The following PTPRK variants were observed in gnomAD, a reference collection of about 807,000 sequenced individuals.
The protein encoded by PTPRK is receptor-type tyrosine-protein phosphatase kappa.
A neutral mutation model predicts 178.0 loss-of-function variants in PTPRK; 75 were observed. The ratio of observed to expected loss-of-function variants is 0.42; its 90% confidence interval spans 0.35 to 0.51. The LOEUF (loss-of-function observed/expected upper bound fraction) is 0.51, where lower values mean the gene tolerates loss of function less well. PTPRK is among the 20% of genes least tolerant of loss of function. The pLI is 0.02. For missense variants in PTPRK, 1,441 were observed against 1,797.8 expected (o/e 0.80, Z 3.59); for synonymous variants, 637 against 620.6 (o/e 1.03, Z -0.39).
intron 3 of PTPRK, among the ~76,000 whole-genome samples, chr6:128,265,592 C>T (rs1818824411): frequency 6.6e-6 from 1 of 152,098 alleles, no homozygotes. Context: ...CCCAGATAGT[C>T]TGGTGCCACA....
intron 1 of PTPRK, among the ~76,000 whole-genome samples, chr6:128,483,285 T>A (rs1302227144): frequency 6.6e-6 from 1 of 152,174 alleles, no homozygotes; most frequent in Non-Finnish European, 1.5e-5. Flanking sequence ...TTAAAATAAT[T>A]TAATTCAATA....
At chr6:128,054,801 T>C (rs907700958) in intron 13 of PTPRK, among the ~76,000 whole-genome samples, 6 of 152,218 alleles carry the variant, frequency 3.9e-5, no homozygotes, top group African/African-American at 7.2e-5. Context: ...GCCTTGACCA[T>C]GGAGAACACT....
intron 3 of PTPRK, among the ~76,000 whole-genome samples, chr6:128,249,213 A>G (rs544336272): frequency 1.3e-5 from 2 of 151,994 alleles, no homozygotes; most frequent in Non-Finnish European, 2.9e-5. Flanking sequence ...AAAATATAGT[A>G]GTAGAATTTC....
chr6:128,253,240 A>G lies in PTPRK; in HGVS notation c.496-10638T>C, dbSNP rs1049765538. Among the ~76,000 whole-genome samples the G allele has an allele frequency of 5.3e-5, 8 of 152,376 alleles. No homozygotes were observed. In the East Asian group the frequency reaches 1.3e-3, roughly 26 times the overall value. ...AAAGAGAGGAAAAACCAAAAAGGCA[A>G]TTAAAAGAGGAAAATAAAAGTTTAC... On this transcript the variant is annotated intron_variant, in intron 3 of 29. Coordinates refer to ENST00000368226, the MANE Select transcript of PTPRK (RefSeq NM_002844.4).
intron 3 of PTPRK, among the ~76,000 whole-genome samples, chr6:128,269,356 G>T (rs1819433349): frequency 6.6e-6 from 1 of 151,862 alleles, no homozygotes; most frequent in African/African-American, 2.4e-5. Context: ...CAAAAAGCCA[G>T]AGACTAGATA....
chr6:128,186,302 A>C (rs1802756177), intron 6 of PTPRK, among the ~76,000 whole-genome samples: 1 of 152,130 alleles, frequency 6.6e-6, no homozygotes, highest in African/African-American at 2.4e-5. Context: ...GAAGGACATA[A>C]GTAACTCCTC....
At chr6:128,186,145 C>T (rs928650845) in intron 6 of PTPRK, among the ~76,000 whole-genome samples, 5 of 152,036 alleles carry the variant, frequency 3.3e-5, no homozygotes, top group Admixed American at 3.3e-4. Flanking sequence ...CTGTCCTACA[C>T]ATTGGGTATC....
chr6:128,411,131 G>A (rs1486913085), intron 1 of PTPRK, among the ~76,000 whole-genome samples: 6 of 152,062 alleles, frequency 3.9e-5, no homozygotes, highest in Admixed American at 2.6e-4. Flanking sequence ...GAGCTCATGC[G>A]ATTCACTCAC....
intron 2 of PTPRK, among the ~76,000 whole-genome samples, chr6:128,365,158 T>C (rs1340243697): frequency 3.9e-5 from 6 of 152,094 alleles, no homozygotes; most frequent in African/African-American, 1.4e-4. Flanking sequence ...CTACAGAATC[T>C]AGCACAATAT....
intron 13 of PTPRK, among the ~76,000 whole-genome samples, chr6:128,039,579 T>C (rs1002030471): frequency 1.3e-5 from 2 of 152,198 alleles, no homozygotes; most frequent in African/African-American, 4.8e-5. Flanking sequence ...AAAGGAAGTA[T>C]TAGTAAATTC....
At chr6:128,180,818 T>C (rs1233807517) in intron 7 of PTPRK, among the ~76,000 whole-genome samples, 1 of 152,042 alleles carries the variant, frequency 6.6e-6, no homozygotes, top group Non-Finnish European at 1.5e-5. Flanking sequence ...AAAATGTACA[T>C]CTCTTCCAGA....
At chr6:128,230,409 C>T (rs554701454) in intron 5 of PTPRK, among the ~76,000 whole-genome samples, 1 of 152,212 alleles carries the variant, frequency 6.6e-6, no homozygotes, top group Admixed American at 6.5e-5. Flanking sequence ...GGTTAAAATT[C>T]ATGAGAGTGG....
intron 7 of PTPRK, among the ~76,000 whole-genome samples, chr6:128,107,651 C>T (rs1451213173): frequency 6.6e-6 from 1 of 152,078 alleles, no homozygotes; most frequent in Admixed American, 6.6e-5. Flanking sequence ...TATCAATTTG[C>T]CTTAAGTTAC....
intron 1 of PTPRK, among the ~76,000 whole-genome samples, chr6:128,472,357 T>C (rs1850793693): frequency 6.6e-6 from 1 of 151,992 alleles, no homozygotes; most frequent in Non-Finnish European, 1.5e-5. Flanking sequence ...TGTGTGTTGC[T>C]TGTTTGTTTT....
chr6:128,008,235 T>G (rs1044295313), intron 14 of PTPRK: 21 of 345,998 alleles, frequency 6.1e-5, no homozygotes, highest in African/African-American at 3.9e-4. Context: ...TTTAATGTAA[T>G]ATAAGCAACA....
intron 6 of PTPRK, among the ~76,000 whole-genome samples, chr6:128,192,771 C>T (rs1804039815): frequency 6.7e-6 from 1 of 148,380 alleles, no homozygotes; most frequent in Admixed American, 6.8e-5. Context: ...GAACCAGGAT[C>T]ACGCTACTGC....
At chr6:128,125,024 C>A (rs969416454) in intron 7 of PTPRK, among the ~76,000 whole-genome samples, 1 of 152,226 alleles carries the variant, frequency 6.6e-6, no homozygotes, top group Non-Finnish European at 1.5e-5. Context: ...GATTTACCAG[C>A]AGACATAATT....
intron 5 of PTPRK, among the ~76,000 whole-genome samples, chr6:128,221,637 T>C (rs1216635878): frequency 6.6e-6 from 1 of 152,058 alleles, no homozygotes; most frequent in African/African-American, 2.4e-5. Context: ...ATGTAGTAAA[T>C]ACATATATGT....
intron 7 of PTPRK, among the ~76,000 whole-genome samples, chr6:128,104,918 G>T (rs1789429011): frequency 6.6e-6 from 1 of 152,164 alleles, no homozygotes; most frequent in Non-Finnish European, 1.5e-5. Context: ...TGTTCCAAAG[G>T]TGAAAAGTCT....
Sources: allele counts gnomAD v4.1 joint callset (sites outside exome capture counted in the v4.1 genomes callset), GRCh38; gene constraint gnomAD v4.1.1; transcripts MANE v1.5; gene names NCBI Gene and HGNC (gene_info 2026-07-23, HGNC 2026-07-21).